The following CALHM4 variants were observed in gnomAD, a reference collection of about 807,000 sequenced individuals.
CALHM4 encodes the protein calcium homeostasis modulator family member 4.
CALHM4 carries 16 observed loss-of-function variants against 13.3 expected under a neutral mutation model. The ratio of observed to expected loss-of-function variants is 1.20; its 90% CI spans 0.81 to 1.82. The LOEUF is 1.82. Among genes scored for constraint, CALHM4 ranks in the 40% most tolerant of loss-of-function variants. The probability of loss-of-function intolerance (pLI) is 0.00; values close to 1 mark genes in which losing one functional copy is unlikely to be tolerated. For synonymous variants in CALHM4, 127 were observed against 137.1 expected (o/e 0.93, Z 0.52); for missense variants, 344 against 374.9 (o/e 0.92, Z 0.68).
At chr6:116,555,160 A>G (rs984133878) in intron 1 of CALHM4, among the ~76,000 whole-genome samples, 3 of 152,242 alleles carry the variant, frequency 2.0e-5, no homozygotes, top group African/African-American at 7.2e-5. Flanking sequence ...GGGAAAAGCT[A>G]CTATCAAGAC....
chr6:116,547,393 T>C (rs1360392160), intron 2 of CALHM4, among the ~76,000 whole-genome samples: 2 of 152,160 alleles, frequency 1.3e-5, no homozygotes, highest in African/African-American at 4.8e-5. Context: ...TGTCATTGGA[T>C]GTATTAGAAA....
At chr6:116,548,515 C>G (rs1192077625) in intron 2 of CALHM4, among the ~76,000 whole-genome samples, 2 of 152,184 alleles carry the variant, frequency 1.3e-5, no homozygotes, top group Non-Finnish European at 2.9e-5. Context: ...CTACAAACTC[C>G]TTTACAGCAA....
chr6:116,543,498 A>C, intron 1 of CALHM4: 2 of 989,198 alleles, frequency 2.0e-6, no homozygotes, highest in Non-Finnish European at 3.0e-6. Context: ...TAGCCTTAGA[A>C]GTCACCTGTA....
chr6:116,554,368 T>G lies in CALHM4; in HGVS notation c.558+17T>G, dbSNP rs1358440487. Reference sequence around the variant, plus strand: ...CAGTCACAGGTAAGTTTTTAGAATTTTTTTCCCTCTGCTATGTTATCCTAT... The same window carrying G: ...CAGTCACAGGTAAGTTTTTAGAATTGTTTTCCCTCTGCTATGTTATCCTAT... On this transcript the variant is annotated intron_variant, in intron 1 of 1. Coordinates refer to ENST00000368596, the MANE Select transcript of CALHM4 (RefSeq NM_001366078.2). 3 of 1,505,136 alleles carry G rather than the reference T, an allele frequency of 2.0e-6. No individual in the cohort carries two copies. Among genetic ancestry groups the G allele is most frequent in the Non-Finnish European group, 2.7e-6 (3 of 1,129,458 alleles). The allele number at this position is 1,505,136 out of a possible 1,614,324, so 93.2% of individuals were successfully genotyped here.
chr6:116,560,057 C>T lies in CALHM4; in HGVS notation c.*1846C>T, dbSNP rs1299896236. 6.6e-6 allele frequency among the ~76,000 whole-genome samples: 1 copy of T among 152,140 alleles called. No individual in the cohort carries two copies. The highest frequency in any genetic ancestry group is 1.5e-5 in the Non-Finnish European group (1 of 68,000). ...ACAAATAGAAGTATGTTGTGGAAGG[C>T]AACTAGGGTTCTAGTTCCACACTGA... On this transcript the variant is annotated 3_prime_UTR_variant, in exon 2 of 2. Transcript: ENST00000368596.
chr6:116,532,650 T>C, intron 1 of CALHM4, among the ~76,000 whole-genome samples: 1 of 152,240 alleles, frequency 6.6e-6, no homozygotes, highest in East Asian at 1.9e-4. Flanking sequence ...CTTCCACTTT[T>C]GTGAAACATT....
At chr6:116,555,137 A>C (rs1476270628) in intron 1 of CALHM4, among the ~76,000 whole-genome samples, 4 of 152,188 alleles carry the variant, frequency 2.6e-5, no homozygotes, top group African/African-American at 9.7e-5. Context: ...AGAAATGCTA[A>C]AGTTATTTCG....
chr6:116,550,362 T>C (rs1409870581), upstream of CALHM4, among the ~76,000 whole-genome samples: 3 of 152,182 alleles, frequency 2.0e-5, no homozygotes, highest in East Asian at 5.8e-4. Context: ...TTAGACCACC[T>C]GAGTCCCAGT....
intron 1 of CALHM4, among the ~76,000 whole-genome samples, chr6:116,530,224 T>C (rs1223724234): frequency 1.3e-5 from 2 of 152,016 alleles, no homozygotes; most frequent in Non-Finnish European, 2.9e-5. Context: ...CCACCCCCCC[T>C]CCTTTTTAAG....
intron 2 of CALHM4, among the ~76,000 whole-genome samples, chr6:116,547,171 T>C (rs911866201): frequency 3.9e-5 from 6 of 152,158 alleles, no homozygotes; most frequent in Admixed American, 2.0e-4. Flanking sequence ...CAAACTATTT[T>C]AGAGGCAGAC....
chr6:116,530,410 G>GA (rs1772627498), intron 1 of CALHM4, among the ~76,000 whole-genome samples: 1 of 152,180 alleles, frequency 6.6e-6, no homozygotes, highest in South Asian at 2.1e-4. Context: ...AAAAGACTTA[G>GA]AAAAAAGAGT....
intron 1 of CALHM4, among the ~76,000 whole-genome samples, chr6:116,530,313 T>C (rs1490621909): frequency 6.6e-6 from 1 of 152,224 alleles, no homozygotes; most frequent in Non-Finnish European, 1.5e-5. Context: ...ATCTGGGCAC[T>C]TTTCCTATTC....
At chr6:116,543,304 T>C in intron 1 of CALHM4, 1 of 1,546,944 alleles carries the variant, frequency 6.5e-7, no homozygotes. Flanking sequence ...TCCACTTACA[T>C]TTTATCTAAA....
At chr6:116,552,961 C>T (rs1444254301), upstream of CALHM4, among the ~76,000 whole-genome samples, 3 of 152,168 alleles carry the variant, frequency 2.0e-5, no homozygotes, top group Non-Finnish European at 4.4e-5. Context: ...GTAGTCCCAG[C>T]TACTCACGAG....
chr6:116,555,851 A>G (rs1774292461), intron 1 of CALHM4, among the ~76,000 whole-genome samples: 2 of 151,958 alleles, frequency 1.3e-5, no homozygotes, highest in African/African-American at 4.8e-5. Context: ...CATTAACTTC[A>G]CTCCATGTCA....
At chr6:116,548,322 T>TA (rs1001149147) in intron 2 of CALHM4, among the ~76,000 whole-genome samples, 9 of 152,232 alleles carry the variant, frequency 5.9e-5, no homozygotes, top group African/African-American at 1.9e-4. Flanking sequence ...TCCAGAACTG[T>TA]AAAAAATAAA....
chr6:116,543,804 A>G (rs773944549), exon 2 of CALHM4: 2 of 1,533,948 alleles, frequency 1.3e-6, no homozygotes, highest in Non-Finnish European at 8.7e-7. Flanking sequence ...AGGCGTCTGC[A>G]CAATCCCTAA....
At chr6:116,545,521 T>C (rs1583303750) in intron 2 of CALHM4, 2 of 1,546,976 alleles carry the variant, frequency 1.3e-6, no homozygotes, top group East Asian at 2.5e-5. Flanking sequence ...ACATAGTGCT[T>C]GATAGATGAA....
chr6:116,538,734 CT>C (rs531255700), intron 1 of CALHM4, among the ~76,000 whole-genome samples: 637 of 140,882 alleles, frequency 4.5e-3, no homozygotes, highest in Non-Finnish European at 4.7e-3. Flanking sequence ...ATCTTTCTTT[CT>C]TTTTTTTTTT....
Sources: gnomAD v4.1 joint callset for allele counts (sites outside exome capture counted in the v4.1 genomes callset) on GRCh38, gnomAD v4.1.1 for gene constraint, MANE v1.5 for transcripts, NCBI Gene and HGNC (gene_info 2026-07-23, HGNC 2026-07-21) for gene names.